PALD1: variants seen among roughly 807,000 people sequenced by gnomAD.
The protein encoded by PALD1 is phosphatase domain containing paladin 1.
In PALD1, 57 loss-of-function variants were observed where a neutral mutation model predicts 96.0. The observed-to-expected ratio is 0.59, with a 90% CI of 0.48 to 0.74. The LOEUF (loss-of-function observed/expected upper bound fraction) is 0.74. Ranked by LOEUF, PALD1 falls within the 30% of genes least tolerant of loss-of-function variation. PALD1 has a pLI of 0.00. For missense variants in PALD1, 1,063 were observed against 1,143.7 expected (o/e 0.93, Z 1.02); for synonymous variants, 464 against 473.6 (o/e 0.98, Z 0.26).
rs200000878 is a variant in PALD1 at position 70,547,366 on chromosome 10, G to C, written c.2182G>C (p.Ala728Pro). 1.9e-6 allele frequency: 3 copies of C among 1,612,376 alleles called. No individual in the cohort carries two copies. The highest frequency in any genetic ancestry group is 2.5e-6 in the Non-Finnish European group (3 of 1,178,684). ...DGHRVKKEVD[A>P]ALDTVSETMT... ...GCACCGTGTGAAGAAGGAGGTGGAC[G>C]CAGCGCTGGACACTGTCAGCGAGAC... Residue 728 changes from alanine to proline, a missense_variant, in exon 18 of 20, where the codon GCA becomes CCA. Physicochemically the swap from Ala to Pro is conservative, Grantham distance 27 (BLOSUM62 -1). Transcript: ENST00000263563.
At chr10:70,506,263 G>A (rs902473426) in intron 1 of PALD1, among the ~76,000 whole-genome samples, 7 of 152,170 alleles carry the variant, frequency 4.6e-5, no homozygotes, top group Non-Finnish European at 7.3e-5. Flanking sequence ...CAGTGAGACC[G>A]GCCCATTTTG....
intron 1 of PALD1, among the ~76,000 whole-genome samples, chr10:70,505,306 T>C (rs1270224423): frequency 1.3e-5 from 2 of 152,166 alleles, no homozygotes; most frequent in Non-Finnish European, 2.9e-5. Flanking sequence ...TGTGAAAATA[T>C]CTGCCATGGC....
chr10:70,468,306 C>T, the PALD1 span, among the ~76,000 whole-genome samples: 457 of 151,164 alleles, frequency 3.0e-3, 2 homozygotes, highest in African/African-American at 0.011. Flanking sequence ...TGCAATGGCG[C>T]GATCTCGGCT....
chr10:70,550,598 C>T (rs1237056252), intron 18 of PALD1, among the ~76,000 whole-genome samples: 1 of 152,190 alleles, frequency 6.6e-6, no homozygotes, highest in Non-Finnish European at 1.5e-5. Context: ...TTTTTCATCA[C>T]CCTAAAAAGA....
At chr10:70,507,752 T>C (rs4746043) in intron 1 of PALD1, among the ~76,000 whole-genome samples, 1,841 of 21,144 alleles carry the variant, frequency 0.087, 15 homozygotes, top group Non-Finnish European at 0.12. Context: ...TGTGTGTGCG[T>C]GTGTGTGTGT....
At chr10:70,521,246 A>G (rs1028400233) in intron 1 of PALD1, among the ~76,000 whole-genome samples, 2 of 152,104 alleles carry the variant, frequency 1.3e-5, no homozygotes, top group East Asian at 3.9e-4. Context: ...GGAAGGGGAC[A>G]GTGTGAGGTG....
chr10:70,560,184 G>A (rs944234887), intron 18 of PALD1, among the ~76,000 whole-genome samples: 2 of 152,196 alleles, frequency 1.3e-5, no homozygotes, highest in Non-Finnish European at 2.9e-5. Flanking sequence ...TGGAAGGCCC[G>A]GAGCAGGCTT....
rs139328767 is a variant in PALD1 at position 70,520,983 on chromosome 10, C to T, written c.-29-4940C>T. Reference sequence around the variant, plus strand: ...CTGGGATTACAGGCGTGAGCCACCGCGCCCGGCCAGTTTCTTTTCTGACTG... The same window carrying T: ...CTGGGATTACAGGCGTGAGCCACCGTGCCCGGCCAGTTTCTTTTCTGACTG... On this transcript the variant is annotated intron_variant, in intron 1 of 19. Coordinates refer to ENST00000263563, the MANE Select transcript of PALD1 (RefSeq NM_014431.3). Among the ~76,000 whole-genome samples, 1,244 of 152,268 alleles carry T rather than the reference C, an allele frequency of 8.2e-3. 8 individuals are homozygous for T. Among genetic ancestry groups the T allele is most frequent in the Non-Finnish European group, 0.014 (977 of 68,024 alleles).
At chr10:70,463,338 A>C in the PALD1 span, among the ~76,000 whole-genome samples, 25 of 152,240 alleles carry the variant, frequency 1.6e-4, no homozygotes, top group East Asian at 4.7e-3. Flanking sequence ...TGAACCCGGC[A>C]GGCGGGAACC....
chr10:70,494,133 G>T (rs552449536), intron 1 of PALD1, among the ~76,000 whole-genome samples: 1 of 152,150 alleles, frequency 6.6e-6, no homozygotes, highest in Non-Finnish European at 1.5e-5. Flanking sequence ...CTAGCCCTGC[G>T]ACCGGAGGTC....
Position 70,533,996 on chromosome 10 carries a change from C to A in PALD1, c.945C>A (p.Gly315=). Residue 315 remains glycine, a synonymous_variant, in exon 8 of 20, where the codon GGC becomes GGA. Coordinates refer to ENST00000263563, the MANE Select transcript of PALD1 (RefSeq NM_014431.3). The part of the protein sequence containing the change: ...PPALVFSCQM[G]VGRTNLGMVL... ...CCCTCGTCTTCAGCTGCCAGATGGG[C>A]GTGGGCAGGACCAACCTGGGCATGG... The A allele has an allele frequency of 6.2e-7, 1 of 1,613,320 alleles. No homozygotes were observed. Among genetic ancestry groups the A allele is most frequent in the African/African-American group, 1.3e-5 (1 of 75,034 alleles).
the PALD1 span, among the ~76,000 whole-genome samples, chr10:70,472,659 C>T: frequency 6.6e-6 from 1 of 152,048 alleles, no homozygotes; most frequent in Admixed American, 6.5e-5. Flanking sequence ...GTTTGGCAGC[C>T]CCCTCCCACC....
chr10:70,518,922 C>T (rs943078013), intron 1 of PALD1, among the ~76,000 whole-genome samples: 1 of 152,200 alleles, frequency 6.6e-6, no homozygotes, highest in African/African-American at 2.4e-5. Context: ...TGTGTGTTCA[C>T]AACACAGTCT....
At chr10:70,531,995 G>A (rs1810981) in intron 5 of PALD1, among the ~76,000 whole-genome samples, 28,419 of 148,586 alleles carry the variant, frequency 0.19, 3,444 homozygotes, top group East Asian at 0.29. Flanking sequence ...AAAAAAAAAA[G>A]AAAAAGAAAA....
intron 5 of PALD1, 97 bp from the exon 6 acceptor site, chr10:70,532,524 C>G: frequency 8.0e-7 from 1 of 1,245,308 alleles, no homozygotes; most frequent in South Asian, 1.4e-5. Flanking sequence ...TGCCTGTGGC[C>G]TCTGCATGGT....
At chr10:70,561,065 T>C (rs982523070) in intron 18 of PALD1, among the ~76,000 whole-genome samples, 1 of 152,184 alleles carries the variant, frequency 6.6e-6, no homozygotes, top group African/African-American at 2.4e-5. Context: ...GCGTCACCTG[T>C]ACACAGTGGT....
chr10:70,556,281 T>TCCCTCTCTCCCTCC (rs1554862626), intron 18 of PALD1, among the ~76,000 whole-genome samples: 2 of 136,544 alleles, frequency 1.5e-5, no homozygotes, highest in Non-Finnish European at 3.2e-5. Context: ...AGCCGAGACC[T>TCCCTCTCTCCCTCC]CTCTCTCTCT....
chr10:70,478,354 G>A (rs542805103), upstream of PALD1, among the ~76,000 whole-genome samples: 6 of 152,308 alleles, frequency 3.9e-5, no homozygotes, highest in African/African-American at 1.4e-4. Flanking sequence ...GCCGAGGCTC[G>A]GCCTGGCTGT....
At chr10:70,531,860 A>G (rs1207146526) in intron 5 of PALD1, among the ~76,000 whole-genome samples, 2 of 151,900 alleles carry the variant, frequency 1.3e-5, no homozygotes, top group African/African-American at 2.4e-5. Context: ...GCGCATGCCT[A>G]TAATCCTAGC....
Sources: gnomAD v4.1 joint callset for allele counts (sites outside exome capture counted in the v4.1 genomes callset) on GRCh38, gnomAD v4.1.1 for gene constraint, MANE v1.5 for transcripts, NCBI Gene and HGNC (gene_info 2026-07-23, HGNC 2026-07-21) for gene names.